ERICH3: variants seen among roughly 807,000 people sequenced by gnomAD.
ERICH3 encodes glutamate rich 3.
Under a neutral mutation model 131.1 loss-of-function variants are expected in ERICH3, and 126 were observed. That is an observed-to-expected ratio of 0.96 (90% CI 0.83 to 1.11). ERICH3 has a LOEUF of 1.11. Ranked by LOEUF, ERICH3 falls within the 50% of genes most tolerant of loss-of-function variation. The pLI, the probability that ERICH3 is intolerant of heterozygous loss-of-function variation, is 0.00. For missense variants in ERICH3, 2,050 were observed against 1,810.7 expected, an observed-to-expected ratio of 1.13 and a Z score of -2.40; for synonymous variants, 695 against 644.6, an observed-to-expected ratio of 1.08 and a Z score of -1.18.
At chr1:74,638,046 A>G (rs1646407349) in intron 5 of ERICH3, among the ~76,000 whole-genome samples, 1 of 152,136 alleles carries the variant, frequency 6.6e-6, no homozygotes, top group African/African-American at 2.4e-5. Flanking sequence ...GATGAGAAGG[A>G]TGGTATATAA....
chr1:74,644,311 A>C (rs1646462547), intron 3 of ERICH3, among the ~76,000 whole-genome samples: 1 of 151,728 alleles, frequency 6.6e-6, no homozygotes, highest in African/African-American at 2.4e-5. Context: ...TTTATTCCCA[A>C]CTCACTGTAG....
At chr1:74,575,076 C>T (rs1647026947) in intron 13 of ERICH3, among the ~76,000 whole-genome samples, 1 of 151,944 alleles carries the variant, frequency 6.6e-6, no homozygotes, top group African/African-American at 2.4e-5. Flanking sequence ...CCATCTTACC[C>T]CCAACATCAT....
chr1:74,660,278 T>C (rs948898191), intron 1 of ERICH3, among the ~76,000 whole-genome samples: 1 of 152,082 alleles, frequency 6.6e-6, no homozygotes, highest in Non-Finnish European at 1.5e-5. Flanking sequence ...CTTTGTAAAT[T>C]ACCCAGTCTA....
At chr1:74,605,513 T>C (rs1648343588) in intron 10 of ERICH3, among the ~76,000 whole-genome samples, 1 of 151,756 alleles carries the variant, frequency 6.6e-6, no homozygotes, top group Non-Finnish European at 1.5e-5. Context: ...TTTTTTTTTA[T>C]TTAAAGTGAA....
At chr1:74,634,346 A>C (rs1646368415) in intron 6 of ERICH3, among the ~76,000 whole-genome samples, 1 of 152,136 alleles carries the variant, frequency 6.6e-6, no homozygotes, top group South Asian at 2.1e-4. Flanking sequence ...CTAAATGAAA[A>C]GTGAGTTTAG....
chr1:74,653,272 C>G (rs1254230809), intron 1 of ERICH3, among the ~76,000 whole-genome samples: 2 of 151,938 alleles, frequency 1.3e-5, no homozygotes, highest in African/African-American at 2.4e-5. Flanking sequence ...TTAGGTTATT[C>G]TGTAAGGCAT....
intron 1 of ERICH3, among the ~76,000 whole-genome samples, chr1:74,671,464 G>T (rs1467333005): frequency 6.6e-6 from 1 of 152,188 alleles, no homozygotes; most frequent in African/African-American, 2.4e-5. Flanking sequence ...GGGCATCACA[G>T]TCCTACCAAT....
chr1:74,578,049 G>A (rs778830397), intron 12 of ERICH3: 11 of 152,204 alleles, frequency 7.2e-5, no homozygotes, highest in African/African-American at 2.4e-4. Context: ...TCTGTAGTTG[G>A]TTACTAGCAT....
chr1:74,610,423 C>T (rs1648630436), intron 9 of ERICH3, among the ~76,000 whole-genome samples: 2 of 148,990 alleles, frequency 1.3e-5, no homozygotes, highest in African/African-American at 5.0e-5. Context: ...CCTCCCGTTA[C>T]CATACAAGAA....
intron 10 of ERICH3, among the ~76,000 whole-genome samples, chr1:74,601,833 G>A (rs567597160): frequency 3.3e-5 from 5 of 151,838 alleles, no homozygotes; most frequent in South Asian, 2.1e-4. Context: ...CTATGTGACC[G>A]TGGGCAATTT....
chr1:74,658,043 A>G (rs752248939), intron 1 of ERICH3, among the ~76,000 whole-genome samples: 5 of 152,174 alleles, frequency 3.3e-5, no homozygotes, highest in Non-Finnish European at 7.3e-5. Flanking sequence ...CACTCTGTAT[A>G]ATATACACAA....
Position 74,573,353 on chromosome 1 carries a change from G to T in ERICH3, c.2357C>A (p.Ala786Asp). 3 of 1,611,436 alleles carry T rather than the reference G, an allele frequency of 1.9e-6. No homozygotes were observed. The highest frequency in any genetic ancestry group is 2.5e-6 in the Non-Finnish European group (3 of 1,179,080). The change falls in exon 14 of 15, where the codon GCT becomes GAT. Residue 786 changes from alanine to aspartate, a missense_variant. Coordinates refer to ENST00000326665, the MANE Select transcript of ERICH3 (RefSeq NM_001002912.5). ...EEDEAPQHRD[A>D]DIVQGKGEAA... ...CTCCCCTTTTCCCTGTACTATGTCA[G>T]CATCTCTGTGCTGGGGCGCTTCATC...
chr1:74,599,892 C>T lies in ERICH3; in HGVS notation c.1529G>A (p.Gly510Asp). 3 of 1,611,550 alleles carry T rather than the reference C, an allele frequency of 1.9e-6. No individual in the cohort carries two copies. Among genetic ancestry groups the T allele is most frequent in the Non-Finnish European group, 2.5e-6 (3 of 1,178,620 alleles). ...EDFEVDEEKQ[G>D]EKSNEEGQAD... ...CTGTCCTTCTTCATTAGATTTTTCA[C>T]CTTGTTTCTCCTCATCTACTTCAAA... The change falls in exon 11 of 15, where the codon GGT (glycine) becomes GAT (aspartate). Residue 510 changes from glycine to aspartate, a missense_variant. Physicochemically the swap from Gly to Asp is moderately conservative, Grantham distance 94. Coordinates refer to ENST00000326665, the MANE Select transcript of ERICH3 (RefSeq NM_001002912.5).
intron 10 of ERICH3, among the ~76,000 whole-genome samples, chr1:74,603,093 C>T (rs373424340): frequency 6.6e-6 from 1 of 151,826 alleles, no homozygotes; most frequent in Non-Finnish European, 1.5e-5. Context: ...AAGAAGATAC[C>T]TAGAAGTTGT....
intron 7 of ERICH3, among the ~76,000 whole-genome samples, chr1:74,627,289 G>C (rs1649450462): frequency 6.6e-6 from 1 of 152,150 alleles, no homozygotes; most frequent in African/African-American, 2.4e-5. Context: ...TATGGGTGAA[G>C]ATGAAAAAGA....
intron 7 of ERICH3, among the ~76,000 whole-genome samples, chr1:74,630,993 TG>T (rs1557691843): frequency 6.6e-6 from 1 of 151,948 alleles, no homozygotes; most frequent in East Asian, 1.9e-4. Flanking sequence ...GATGTGGACA[TG>T]GGGTGAATAA....
In ERICH3 at chr1:74,643,113, A is replaced by G. The variant is rs746735474; in HGVS notation, c.244-15T>C. On this transcript the variant is annotated splice_polypyrimidine_tract_variant and intron_variant, in intron 3 of 14. Transcript: ENST00000326665. The stretch of plus-strand genomic sequence containing the variant: ...TGATGGTAACGCTAAGCATACAGGA[A>G]AGAATAAAGGAGAGAATCATATCAG... 3.1e-6 allele frequency: 5 copies of G among 1,596,592 alleles called. No individual in the cohort carries two copies. The highest frequency in any genetic ancestry group is 4.3e-6 in the Non-Finnish European group (5 of 1,167,930).
chr1:74,621,007 T>A (rs1209346227), intron 7 of ERICH3, 93 bp from the exon 8 acceptor site: 1 of 1,044,624 alleles, frequency 9.6e-7, no homozygotes, highest in Admixed American at 3.7e-5. Context: ...AAGAAGGTTA[T>A]TTTTAAGTAC....
chr1:74,589,506 C>CA, intron 12 of ERICH3, 125 bp downstream of exon 12: 1 of 930,392 alleles, frequency 1.1e-6, no homozygotes, highest in South Asian at 1.7e-5. Context: ...AGAGACACAG[C>CA]AAAAAATCTT....
Sources: gnomAD v4.1 joint callset for allele counts (sites outside exome capture counted in the v4.1 genomes callset) on GRCh38, gnomAD v4.1.1 for gene constraint, MANE v1.5 for transcripts, NCBI Gene and HGNC (gene_info 2026-07-23, HGNC 2026-07-21) for gene names.